PPP3CC: variants seen among roughly 807,000 people sequenced by gnomAD.
PPP3CC encodes protein phosphatase 3 catalytic subunit gamma.
A neutral mutation model predicts 60.3 loss-of-function variants in PPP3CC; 35 were observed. The observed-to-expected ratio is 0.58, with a 90% CI of 0.44 to 0.77. PPP3CC has a LOEUF of 0.77. Among genes scored for constraint, PPP3CC ranks in the 30% least tolerant of loss-of-function variants. The pLI is 0.00. For missense variants in PPP3CC, 570 were observed against 628.9 expected (o/e 0.91, Z 1.00); for synonymous variants, 206 against 224.3 (o/e 0.92, Z 0.73).
intron 4 of PPP3CC, among the ~76,000 whole-genome samples, chr8:22,506,673 G>A (rs575828151): frequency 1.3e-5 from 2 of 152,202 alleles, no homozygotes; most frequent in Admixed American, 6.5e-5. Context: ...CAGGCACAGT[G>A]GCTCACGCCT....
rs1439810999 is a variant in PPP3CC at position 22,442,755 on chromosome 8, G to A, written c.49+1297G>A. ...ATATAGCCCTCTCTTAAGATTCAGA[G>A]TGTACTTAACATAACCTTTTTTGAG... On this transcript the variant is annotated intron_variant, in intron 1 of 13. Transcript: ENST00000240139. 2.0e-5 allele frequency among the ~76,000 whole-genome samples: 3 copies of A among 152,134 alleles called. No homozygotes were observed. The South Asian group carries it at 6.2e-4, about 31-fold the overall frequency.
chr8:22,466,118 G>T (rs968527396), intron 1 of PPP3CC, among the ~76,000 whole-genome samples: 4 of 152,124 alleles, frequency 2.6e-5, no homozygotes, highest in African/African-American at 9.7e-5. Context: ...ATAGTTTGCT[G>T]AGAATGATGG....
chr8:22,490,426 T>A (rs1326892199), intron 3 of PPP3CC, among the ~76,000 whole-genome samples: 1 of 152,070 alleles, frequency 6.6e-6, no homozygotes, highest in African/African-American at 2.4e-5. Flanking sequence ...TACTGTTGAC[T>A]TTTTTCACTT....
At chr8:22,536,909 A>G (rs1839856226) in intron 12 of PPP3CC, among the ~76,000 whole-genome samples, 1 of 152,214 alleles carries the variant, frequency 6.6e-6, no homozygotes, top group Non-Finnish European at 1.5e-5. Flanking sequence ...CATGAAACAT[A>G]GTGGAGTAAA....
intron 4 of PPP3CC, among the ~76,000 whole-genome samples, chr8:22,502,578 C>T (rs1436712845): frequency 2.0e-5 from 3 of 152,044 alleles, no homozygotes; most frequent in African/African-American, 7.2e-5. Context: ...GTTGCAGCTA[C>T]TTGGGAGGCT....
chr8:22,446,848 T>C (rs1836839537), intron 1 of PPP3CC, among the ~76,000 whole-genome samples: 1 of 148,352 alleles, frequency 6.7e-6, no homozygotes, highest in Admixed American at 6.7e-5. Flanking sequence ...TTTTTAGACA[T>C]GTCTCTATTA....
chr8:22,475,770 T>A (rs1190822339), intron 3 of PPP3CC, 146 bp downstream of exon 3: 12 of 807,748 alleles, frequency 1.5e-5, no homozygotes, highest in Non-Finnish European at 1.8e-5. Context: ...TAGAAATGTT[T>A]TAATTGATAG....
chr8:22,503,847 C>A (rs1247093280), intron 4 of PPP3CC, among the ~76,000 whole-genome samples: 1 of 152,122 alleles, frequency 6.6e-6, no homozygotes, highest in East Asian at 1.9e-4. Flanking sequence ...AATCTTGGAA[C>A]AAGCACACAG....
At chr8:22,491,251 G>T (rs540614162) in intron 3 of PPP3CC, among the ~76,000 whole-genome samples, 1 of 152,160 alleles carries the variant, frequency 6.6e-6, no homozygotes, top group South Asian at 2.1e-4. Flanking sequence ...AGCATTGGTT[G>T]CCAGATGGCT....
chr8:22,505,704 C>T (rs1208843536), intron 4 of PPP3CC, among the ~76,000 whole-genome samples: 1 of 152,076 alleles, frequency 6.6e-6, no homozygotes, highest in Non-Finnish European at 1.5e-5. Context: ...ATAGGAGCCG[C>T]TATAAGGAAA....
At chr8:22,508,300 A>G (rs1422243587) in intron 4 of PPP3CC, among the ~76,000 whole-genome samples, 1 of 152,210 alleles carries the variant, frequency 6.6e-6, no homozygotes, top group Non-Finnish European at 1.5e-5. Context: ...GTTATTATAT[A>G]AAGATTACAT....
At chr8:22,476,220 C>G (rs995757616) in intron 3 of PPP3CC, among the ~76,000 whole-genome samples, 14 of 152,178 alleles carry the variant, frequency 9.2e-5, no homozygotes, top group Admixed American at 7.2e-4. Context: ...GATAAAACTA[C>G]TTTAGAACTT....
chr8:22,507,270 G>A (rs971963013), intron 4 of PPP3CC, among the ~76,000 whole-genome samples: 3 of 152,126 alleles, frequency 2.0e-5, no homozygotes, highest in Admixed American at 6.5e-5. Flanking sequence ...TGTTAATGTT[G>A]TATTATTGAT....
chr8:22,540,820 G>A lies in PPP3CC; in HGVS notation c.*18G>A. 1.3e-6 allele frequency: 2 copies of A among 1,561,884 alleles called. No individual in the cohort carries two copies. The highest frequency in any genetic ancestry group is 2.0e-5 in the Admixed American group (1 of 50,602). On this transcript the variant is annotated 3_prime_UTR_variant, in exon 14 of 14. Transcript: ENST00000240139. ...ATTCATGACTTAGAGTCCTGCCGTGGCTCAGGTGGATCTAAAACTCAAGAA... is the reference window on the plus strand; with the variant it reads ...ATTCATGACTTAGAGTCCTGCCGTGACTCAGGTGGATCTAAAACTCAAGAA...
chr8:22,510,279 T>G (rs2948145), intron 4 of PPP3CC, among the ~76,000 whole-genome samples: 84 of 151,652 alleles, frequency 5.5e-4, no homozygotes, highest in Non-Finnish European at 9.4e-4. Flanking sequence ...TTCCAAAACA[T>G]TGGGATTACA....
chr8:22,471,269 C>T (rs569954421), intron 1 of PPP3CC, among the ~76,000 whole-genome samples: 1 of 151,048 alleles, frequency 6.6e-6, no homozygotes, highest in Non-Finnish European at 1.5e-5. Context: ...TTCCCTTACT[C>T]CTTGATCATT....
At chr8:22,453,342 C>T (rs931395822) in intron 1 of PPP3CC, among the ~76,000 whole-genome samples, 4 of 152,136 alleles carry the variant, frequency 2.6e-5, no homozygotes, top group Admixed American at 6.5e-5. Flanking sequence ...TATATAGTCA[C>T]GCTTACATAG....
intron 6 of PPP3CC, among the ~76,000 whole-genome samples, chr8:22,514,043 C>T (rs376019845): frequency 5.2e-4 from 79 of 152,088 alleles, no homozygotes; most frequent in African/African-American, 1.8e-3. Flanking sequence ...GCCAGGAGTT[C>T]GAGACCAGCC....
intron 11 of PPP3CC, among the ~76,000 whole-genome samples, 190 bp from the exon 12 acceptor site, chr8:22,532,731 C>T (rs1359738004): frequency 6.6e-6 from 1 of 152,182 alleles, no homozygotes; most frequent in South Asian, 2.1e-4. Flanking sequence ...AATTGAAAAA[C>T]AAGAACTGGC....
Sources: gnomAD v4.1 joint callset for allele counts (sites outside exome capture counted in the v4.1 genomes callset) on GRCh38, gnomAD v4.1.1 for gene constraint, MANE v1.5 for transcripts, NCBI Gene and HGNC (gene_info 2026-07-23, HGNC 2026-07-21) for gene names.